The following JPH3 variants were observed in gnomAD, a reference collection of about 807,000 sequenced individuals.
JPH3 encodes junctophilin-3.
In JPH3, 11 loss-of-function variants were observed where a neutral mutation model predicts 59.6. The ratio of observed to expected loss-of-function variants is 0.18; its 90% CI spans 0.12 to 0.31. The LOEUF (loss-of-function observed/expected upper bound fraction) is 0.31, where lower values mean the gene tolerates loss of function less well. Among genes scored for constraint, JPH3 ranks in the 10% least tolerant of loss-of-function variants. The pLI, the probability that JPH3 is intolerant of heterozygous loss-of-function variation, is 1.00. For synonymous variants in JPH3, 673 were observed against 483.6 expected (o/e 1.39, Z -5.14); for missense variants, 1,202 against 1,105.7 (o/e 1.09, Z -1.24).
intron 2 of JPH3, among the ~76,000 whole-genome samples, chr16:87,667,946 T>C (rs1281662186): frequency 1.3e-5 from 2 of 152,220 alleles, no homozygotes; most frequent in African/African-American, 4.8e-5. Flanking sequence ...CTGCCCTTGG[T>C]GGACACTCTG....
At chr16:87,675,750 G>C (rs955385827) in intron 2 of JPH3, among the ~76,000 whole-genome samples, 3 of 152,246 alleles carry the variant, frequency 2.0e-5, no homozygotes, top group African/African-American at 7.2e-5. Context: ...GGAAGCAGGT[G>C]TGGGGTGCCT....
At chr16:87,686,069 A>C (rs1298464019) in intron 3 of JPH3, among the ~76,000 whole-genome samples, 2 of 144,136 alleles carry the variant, frequency 1.4e-5, no homozygotes, top group East Asian at 3.8e-4. Context: ...CCGTGGCTGG[A>C]GGGTGGCTGG....
chr16:87,665,954 C>T (rs1423946451), intron 2 of JPH3, among the ~76,000 whole-genome samples: 1 of 152,244 alleles, frequency 6.6e-6, no homozygotes, highest in Non-Finnish European at 1.5e-5. Context: ...AGCCTGGTCG[C>T]AGCTGGCACC....
At chr16:87,668,374 C>G (rs1359914680) in intron 2 of JPH3, among the ~76,000 whole-genome samples, 1 of 152,214 alleles carries the variant, frequency 6.6e-6, no homozygotes, top group African/African-American at 2.4e-5. Context: ...TCCCTCACCT[C>G]TCCGCAGACG....
chr16:87,685,825 C>G (rs1017711195), intron 3 of JPH3, among the ~76,000 whole-genome samples: 11 of 152,216 alleles, frequency 7.2e-5, no homozygotes, highest in Non-Finnish European at 8.8e-5. Context: ...GGGGACCAGA[C>G]AGGGAACATT....
In JPH3 at chr16:87,697,063, G is replaced by C; in HGVS notation, c.*403G>C. 3.7e-6 allele frequency: 1 copy of C among 267,162 alleles called. No homozygotes were observed. The highest frequency in any genetic ancestry group is 7.3e-6 in the Non-Finnish European group (1 of 136,376). 16.5% of individuals were successfully genotyped at this position (267,162 alleles called of 1,614,324 possible). On this transcript the variant is annotated 3_prime_UTR_variant, in exon 5 of 5. Transcript: ENST00000284262. ...TCAGCCCCGCGGCCCCTGAGTGGCA[G>C]GGCTGACTCCCGTCGACACGAGCTT...
At chr16:87,618,722 C>T (rs1398287680) in intron 1 of JPH3, among the ~76,000 whole-genome samples, 2 of 152,186 alleles carry the variant, frequency 1.3e-5, no homozygotes. Flanking sequence ...GGTGCTGAGT[C>T]TCTCTAGGTG....
intron 1 of JPH3, among the ~76,000 whole-genome samples, chr16:87,637,074 A>G (rs1193678768): frequency 3.3e-5 from 5 of 152,222 alleles, no homozygotes; most frequent in African/African-American, 1.2e-4. Flanking sequence ...TGTGTTCTCA[A>G]AGCCCCTAGG....
intron 2 of JPH3, among the ~76,000 whole-genome samples, chr16:87,655,539 A>C (rs1028107025): frequency 2.6e-5 from 4 of 152,094 alleles, no homozygotes; most frequent in Non-Finnish European, 2.9e-5. Flanking sequence ...TGTCTTGTAG[A>C]GATGGGGTCT....
chr16:87,607,259 G>C (rs1243052200), intron 1 of JPH3, among the ~76,000 whole-genome samples: 2 of 152,148 alleles, frequency 1.3e-5, no homozygotes, highest in African/African-American at 2.4e-5. Flanking sequence ...CGGGTGCTGT[G>C]TACACAGAAC....
intron 2 of JPH3, among the ~76,000 whole-genome samples, chr16:87,672,903 G>C (rs1270944606): frequency 3.9e-5 from 6 of 152,220 alleles, no homozygotes; most frequent in Non-Finnish European, 5.9e-5. Context: ...TCAGCACTTT[G>C]GGAGGCCGAC....
intron 1 of JPH3, among the ~76,000 whole-genome samples, chr16:87,634,898 C>T (rs1347162029): frequency 2.0e-5 from 3 of 152,230 alleles, no homozygotes; most frequent in Non-Finnish European, 4.4e-5. Context: ...CTGGGTGACA[C>T]TGGGGTTATT....
At chr16:87,666,814 C>T (rs1365320750) in intron 2 of JPH3, among the ~76,000 whole-genome samples, 2 of 152,202 alleles carry the variant, frequency 1.3e-5, no homozygotes, top group African/African-American at 4.8e-5. Flanking sequence ...GTATTGTTGC[C>T]TACATTCTAT....
intron 1 of JPH3, among the ~76,000 whole-genome samples, chr16:87,639,517 A>G (rs2031868145): frequency 6.6e-6 from 1 of 151,994 alleles, no homozygotes; most frequent in African/African-American, 2.4e-5. Flanking sequence ...ACGCTGTTCA[A>G]CCGTCACCAG....
rs985515533 is a variant in JPH3, at chr16:87,614,578, T to C, written c.382+11050T>C. Among the ~76,000 whole-genome samples, 10 of 144,366 alleles carry C rather than the reference T, an allele frequency of 6.9e-5. 1 individual carries two copies. The highest frequency in any genetic ancestry group is 1.3e-4 in the African/African-American group (5 of 38,394). The allele number at this position is 144,366 out of a possible 152,430, so 94.7% of individuals were successfully genotyped here. On this transcript the variant is annotated intron_variant, in intron 1 of 4. Transcript: ENST00000284262. ...GGATAAAGGCAGGTCTCTGTACACGTGTGGAGCTGTCTGTTCCCTCCCAGG... is the reference window on the plus strand; with the variant it reads ...GGATAAAGGCAGGTCTCTGTACACGCGTGGAGCTGTCTGTTCCCTCCCAGG...
chr16:87,646,870 G>A (rs1399493008), intron 2 of JPH3, among the ~76,000 whole-genome samples: 1 of 152,172 alleles, frequency 6.6e-6, no homozygotes, highest in Non-Finnish European at 1.5e-5. Context: ...CACAGCCTTG[G>A]CACTGGGTGG....
intron 1 of JPH3, among the ~76,000 whole-genome samples, chr16:87,629,422 GTT>G (rs11343784): frequency 6.9e-5 from 10 of 145,732 alleles, no homozygotes; most frequent in Middle Eastern, 3.6e-3. Flanking sequence ...ATCTTTGTGG[GTT>G]TTTTTTTTTT....
chr16:87,668,938 G>A (rs569519823), intron 2 of JPH3, among the ~76,000 whole-genome samples: 1 of 152,106 alleles, frequency 6.6e-6, no homozygotes, highest in African/African-American at 2.4e-5. Context: ...TCGCCTCCAC[G>A]TGGGCTCCAG....
intron 1 of JPH3, among the ~76,000 whole-genome samples, chr16:87,642,404 G>C (rs977091503): frequency 6.6e-6 from 1 of 152,206 alleles, no homozygotes; most frequent in African/African-American, 2.4e-5. Context: ...GGTCGGGGTG[G>C]CCAGGTCCTC....
Sources: allele counts gnomAD v4.1 joint callset (sites outside exome capture counted in the v4.1 genomes callset), GRCh38; gene constraint gnomAD v4.1.1; transcripts MANE v1.5; gene names NCBI Gene and HGNC (gene_info 2026-07-23, HGNC 2026-07-21).